Variants in TAF2 observed in about 807,000 individuals in gnomAD.
TAF2 encodes the protein TATA-box binding protein associated factor 2.
Under a neutral mutation model 138.5 loss-of-function variants are expected in TAF2, and 61 were observed. The observed-to-expected ratio is 0.44, with a 90% CI of 0.36 to 0.54. The LOEUF (loss-of-function observed/expected upper bound fraction) is 0.54, where lower values mean the gene tolerates loss of function less well. TAF2 is among the 20% of genes least tolerant of loss of function. The pLI is 0.00. For synonymous variants in TAF2, 475 were observed against 469.9 expected (o/e 1.01, Z -0.14); for missense variants, 1,090 against 1,427.9 (o/e 0.76, Z 3.81).
Position 119,731,950 on chromosome 8 carries a change from T to C in TAF2, c.3574A>G (p.Ile1192Val), listed in dbSNP as rs748986660. 5 of 1,614,200 alleles carry C rather than the reference T, an allele frequency of 3.1e-6. No homozygotes were observed. In the South Asian group the frequency reaches 3.3e-5, roughly 11 times the overall value. Residue 1192 changes from isoleucine (I) to valine (V), a missense_variant, in exon 26 of 26, where the codon ATT becomes GTT. By Grantham distance (29) the Ile-to-Val change is conservative (BLOSUM62 3). Coordinates refer to ENST00000378164, the MANE Select transcript of TAF2 (RefSeq NM_003184.4). ...TFSSPASGRSIRSPSLSD is the reference protein window; with the variant it reads ...TFSSPASGRSVRSPSLSD ...CAGTCTGAAAGGGAAGGAGAACGAA[T>C]AGACCTGCCACTGGCAGGGCTGGAG...
intron 25 of TAF2, among the ~76,000 whole-genome samples, chr8:119,738,554 T>G (rs970475389): frequency 2.6e-5 from 4 of 152,126 alleles, no homozygotes; most frequent in Non-Finnish European, 4.4e-5. Flanking sequence ...ATAAAAAAAT[T>G]TTCCTATTTC....
At chr8:119,821,733 T>C (rs1040917255) in intron 2 of TAF2, among the ~76,000 whole-genome samples, 2 of 152,166 alleles carry the variant, frequency 1.3e-5, no homozygotes, top group Non-Finnish European at 2.9e-5. Flanking sequence ...TATTGGCCTA[T>C]TAGTGTTATT....
chr8:119,789,067 T>C (rs891864386), intron 12 of TAF2, among the ~76,000 whole-genome samples, 163 bp from the exon 13 acceptor site: 1 of 152,216 alleles, frequency 6.6e-6, no homozygotes, highest in African/African-American at 2.4e-5. Context: ...AAAGTACTTG[T>C]GAAAAATGCT....
At chr8:119,806,168 C>A in intron 4 of TAF2, 115 bp downstream of exon 4, 1 of 933,000 alleles carries the variant, frequency 1.1e-6, no homozygotes, top group South Asian at 1.3e-5. Flanking sequence ...TCCCAAAGTG[C>A]TGGGATTACA....
intron 3 of TAF2, among the ~76,000 whole-genome samples, chr8:119,810,007 A>AAAAC (rs1262724170): frequency 2.0e-5 from 3 of 151,560 alleles, no homozygotes; most frequent in East Asian, 1.9e-4. Context: ...GTAAAAAAAA[A>AAAAC]AAAAAAAAAA....
intron 17 of TAF2, 22 bp downstream of exon 17, chr8:119,781,031 A>C (rs1822614147): frequency 6.2e-7 from 1 of 1,607,466 alleles, no homozygotes; most frequent in Admixed American, 1.7e-5. Context: ...AAACCATGAG[A>C]AAATTAGAAA....
At chr8:119,787,367 A>AAAAAAC in intron 14 of TAF2, among the ~76,000 whole-genome samples, 1 of 152,156 alleles carries the variant, frequency 6.6e-6, no homozygotes, top group South Asian at 2.1e-4. Context: ...ATAATAAAAT[A>AAAAAAC]AAAAACAAAA....
In TAF2 at chr8:119,789,812, C is replaced by T. The variant is rs1823291245; in HGVS notation, c.1414-66G>A. ...TCTTTTCAATTATATAGAATACTCACTTTGCATTATAACTTTATTGTAGTC... is the reference window on the plus strand; with the variant it reads ...TCTTTTCAATTATATAGAATACTCATTTTGCATTATAACTTTATTGTAGTC... On this transcript the variant is annotated intron_variant, in intron 11 of 25. Coordinates refer to ENST00000378164, the MANE Select transcript of TAF2 (RefSeq NM_003184.4). 3.4e-6 allele frequency: 5 copies of T among 1,458,546 alleles called. No individual in the cohort carries two copies. In the South Asian group the frequency reaches 5.9e-5, roughly 17 times the overall value. 90.4% of individuals were successfully genotyped at this position (1,458,546 alleles called of 1,614,324 possible). A position where few individuals can be genotyped will look rare whatever the true frequency, so the allele number is the denominator to read the frequency against.
chr8:119,789,636 T>C lies in TAF2; in HGVS notation c.1524A>G (p.Ser508=), dbSNP rs772148235. 66 of 1,613,768 alleles carry C rather than the reference T, an allele frequency of 4.1e-5. No individual in the cohort carries two copies. In the Admixed American group the frequency reaches 5.7e-4, roughly 14 times the overall value. Reference sequence around the variant, plus strand: ...GCTGAATATCTTTGCCAGAGACATTTGAAATGGATTTCAAAAACCCAGATG... The same window carrying C: ...GCTGAATATCTTTGCCAGAGACATTCGAAATGGATTTCAAAAACCCAGATG... ...VSTSGFLKSI[S]NVSGKDIQPL... The change falls in exon 12 of 26, where the codon TCA becomes TCG. Residue 508 remains serine (S), a synonymous_variant. Coordinates refer to ENST00000378164, the MANE Select transcript of TAF2 (RefSeq NM_003184.4).
At position 119,791,374 on chromosome 8, in the gene TAF2, G is replaced by A. The variant is rs1033614255; in HGVS notation, c.1363C>T (p.Leu455Phe). 2 of 1,613,746 alleles carry A rather than the reference G, an allele frequency of 1.2e-6. No individual in the cohort carries two copies. The highest frequency in any genetic ancestry group is 1.7e-6 in the Non-Finnish European group (2 of 1,179,890). ...YYSMFQCKAH[L>F]VMRLIENRIS... ...CTATTTTCAATCAATCTCATCACAA[G>A]GTGGGCTTTACACTGAAACATACTG... The change falls in exon 11 of 26, where the codon CTT becomes TTT. Residue 455 changes from leucine (L) to phenylalanine (F), a missense_variant. Leu to Phe is a conservative substitution (Grantham distance 22, BLOSUM62 0). This residue lies in a region of TAF2 where 504 missense variants were observed against 680.9 expected (regional missense o/e 0.74). Transcript: ENST00000378164.
intron 6 of TAF2, among the ~76,000 whole-genome samples, chr8:119,801,393 T>G (rs1297417231): frequency 6.6e-6 from 1 of 151,848 alleles, no homozygotes; most frequent in Non-Finnish European, 1.5e-5. Flanking sequence ...TCTTGATAGT[T>G]GAAAAAAGAG....
chr8:119,820,410 G>T lies in TAF2; in HGVS notation c.139-904C>A, dbSNP rs6985027. 9.0e-3 allele frequency among the ~76,000 whole-genome samples: 1,377 copies of T among 152,156 alleles called. 20 individuals carry two copies. The highest frequency in any genetic ancestry group is 0.032 in the African/African-American group (1,313 of 41,498). ...GACTAGATTATAATGGCTGCTACCA[G>T]GTACCAGACATTACACTAGATACTT... On this transcript the variant is annotated intron_variant, in intron 2 of 25. Coordinates refer to ENST00000378164, the MANE Select transcript of TAF2 (RefSeq NM_003184.4).
At chr8:119,765,435 A>G (rs1821355839) in intron 18 of TAF2, among the ~76,000 whole-genome samples, 1 of 152,166 alleles carries the variant, frequency 6.6e-6, no homozygotes, top group South Asian at 2.1e-4. Flanking sequence ...AGGTAGAGGA[A>G]GGAGAAAGGC....
chr8:119,793,814 T>G (rs991933589), intron 9 of TAF2, among the ~76,000 whole-genome samples: 2 of 150,830 alleles, frequency 1.3e-5, no homozygotes, highest in Non-Finnish European at 2.9e-5. Flanking sequence ...ATAAATTATG[T>G]CAGGAATCTA....
intron 9 of TAF2, among the ~76,000 whole-genome samples, chr8:119,794,320 C>T (rs1374844587): frequency 2.7e-5 from 4 of 150,618 alleles, no homozygotes; most frequent in African/African-American, 7.4e-5. Context: ...CGCTTAAGCC[C>T]GGGAGGCAGA....
chr8:119,798,326 A>G (rs1823977575), intron 6 of TAF2, among the ~76,000 whole-genome samples: 1 of 152,246 alleles, frequency 6.6e-6, no homozygotes, highest in African/African-American at 2.4e-5. Context: ...AAGACTGCAG[A>G]AAAGTTTACT....
intron 22 of TAF2, among the ~76,000 whole-genome samples, chr8:119,752,860 A>G (rs928752122): frequency 6.6e-6 from 1 of 152,204 alleles, no homozygotes; most frequent in African/African-American, 2.4e-5. Flanking sequence ...AAATAAATTA[A>G]TATAATTACA....
intron 25 of TAF2, among the ~76,000 whole-genome samples, chr8:119,734,175 AGCT>A (rs1819065529): frequency 6.6e-6 from 1 of 152,154 alleles, no homozygotes; most frequent in Non-Finnish European, 1.5e-5. Flanking sequence ...TCCTAAACAA[AGCT>A]GCTTTTTATC....
At chr8:119,823,588 C>A (rs376595638) in intron 2 of TAF2, among the ~76,000 whole-genome samples, 1 of 152,180 alleles carries the variant, frequency 6.6e-6, no homozygotes, top group East Asian at 1.9e-4. Context: ...CCCCATTAAA[C>A]CTCTTTCCTT....
Sources: allele counts gnomAD v4.1 joint callset (sites outside exome capture counted in the v4.1 genomes callset), GRCh38; gene constraint gnomAD v4.1.1; regional missense constraint gnomAD v4.1.1; transcripts MANE v1.5; gene names NCBI Gene and HGNC (gene_info 2026-07-23, HGNC 2026-07-21).